MDGA2: variants seen among roughly 807,000 people sequenced by gnomAD.
MDGA2 encodes MAM domain-containing glycosylphosphatidylinositol anchor protein 2.
Under a neutral mutation model 117.8 loss-of-function variants are expected in MDGA2, and 40 were observed. The ratio of observed to expected loss-of-function variants is 0.34; its 90% CI spans 0.26 to 0.44. The LOEUF (loss-of-function observed/expected upper bound fraction) is 0.44. Ranked by LOEUF, MDGA2 falls within the 20% of genes least tolerant of loss-of-function variation. The pLI is 1.00. For synonymous variants in MDGA2, 452 were observed against 439.0 expected (o/e 1.03, Z -0.37); for missense variants, 1,123 against 1,250.6 (o/e 0.90, Z 1.54).
At chr14:47,286,926 G>C (rs1336083990) in intron 2 of MDGA2, among the ~76,000 whole-genome samples, 2 of 150,324 alleles carry the variant, frequency 1.3e-5, no homozygotes, top group African/African-American at 2.4e-5. Context: ...CTGAAAGACA[G>C]AAAATTTGAA....
At chr14:47,050,811 T>C (rs1302192361) in intron 7 of MDGA2, among the ~76,000 whole-genome samples, 1 of 151,946 alleles carries the variant, frequency 6.6e-6, no homozygotes, top group African/African-American at 2.4e-5. Context: ...GATACTTGCA[T>C]TGGTGAGAAT....
chr14:47,309,971 C>CTA (rs1889582086), intron 1 of MDGA2, among the ~76,000 whole-genome samples: 1 of 152,032 alleles, frequency 6.6e-6, no homozygotes, highest in Non-Finnish European at 1.5e-5. Flanking sequence ...TGTGTAAAAA[C>CTA]TATCTTGTTT....
intron 1 of MDGA2, among the ~76,000 whole-genome samples, chr14:47,509,374 G>A (rs780232538): frequency 4.6e-5 from 7 of 152,146 alleles, no homozygotes; most frequent in Non-Finnish European, 1.0e-4. Flanking sequence ...AAAGTGGATC[G>A]GATCATTGAA....
chr14:47,357,780 A>C (rs1347180501), intron 1 of MDGA2, among the ~76,000 whole-genome samples: 5 of 152,200 alleles, frequency 3.3e-5, no homozygotes, highest in African/African-American at 1.2e-4. Context: ...CTTGTATTAC[A>C]ACAAAAATAT....
At chr14:46,979,873 G>A (rs1886600832) in intron 8 of MDGA2, among the ~76,000 whole-genome samples, 1 of 152,182 alleles carries the variant, frequency 6.6e-6, no homozygotes, top group Admixed American at 6.6e-5. Context: ...TCTAGGTAAG[G>A]TTATTGATAA....
rs143709982 is a variant in MDGA2, at chr14:47,090,948, G to A, written c.1195+5906C>T. On this transcript the variant is annotated intron_variant, in intron 6 of 16. Coordinates refer to ENST00000399232, the MANE Select transcript of MDGA2 (RefSeq NM_001113498.3). Reference sequence around the variant, plus strand: ...CCACCCTCTAGCTGCAATTATATGGGATACCCTGAATTTTTTAGCTGAGCC... The same window carrying A: ...CCACCCTCTAGCTGCAATTATATGGAATACCCTGAATTTTTTAGCTGAGCC... 4.6e-3 allele frequency among the ~76,000 whole-genome samples: 707 copies of A among 152,178 alleles called. 5 individuals are homozygous for A. Among genetic ancestry groups the A allele is most frequent in the Non-Finnish European group, 7.4e-3 (506 of 67,996 alleles).
chr14:47,291,895 C>T (rs1246888204), intron 2 of MDGA2, among the ~76,000 whole-genome samples: 5 of 152,160 alleles, frequency 3.3e-5, no homozygotes, highest in Admixed American at 6.5e-5. Flanking sequence ...AGAGAGTGAG[C>T]GTTAGCCCTG....
At chr14:47,365,465 G>A (rs532110289) in intron 1 of MDGA2, among the ~76,000 whole-genome samples, 6 of 152,362 alleles carry the variant, frequency 3.9e-5, no homozygotes, top group East Asian at 1.9e-4. Context: ...TGCTGGCAGC[G>A]CAACCCATTG....
At chr14:46,943,661 T>C (rs2138587841) in intron 9 of MDGA2, among the ~76,000 whole-genome samples, 1 of 152,214 alleles carries the variant, frequency 6.6e-6, no homozygotes, top group South Asian at 2.1e-4. Flanking sequence ...ATGTAATAAA[T>C]TTACAACAGT....
At chr14:46,919,291 A>G (rs1884031358) in intron 10 of MDGA2, among the ~76,000 whole-genome samples, 1 of 152,186 alleles carries the variant, frequency 6.6e-6, no homozygotes, top group African/African-American at 2.4e-5. Context: ...GAGAGAGCTA[A>G]AAGATTATGT....
intron 9 of MDGA2, among the ~76,000 whole-genome samples, chr14:46,955,163 T>C (rs1208783721): frequency 6.6e-6 from 1 of 152,074 alleles, no homozygotes; most frequent in Non-Finnish European, 1.5e-5. Flanking sequence ...GCTATAATAT[T>C]ACAGAACTAT....
At chr14:47,190,378 G>C (rs918276029) in intron 3 of MDGA2, among the ~76,000 whole-genome samples, 5 of 152,154 alleles carry the variant, frequency 3.3e-5, no homozygotes, top group African/African-American at 1.2e-4. Context: ...TGAAATATTA[G>C]AAAGTCAGGA....
chr14:47,044,606 CTCT>C (rs769794028), intron 7 of MDGA2, among the ~76,000 whole-genome samples: 83 of 152,262 alleles, frequency 5.5e-4, no homozygotes, highest in Non-Finnish European at 6.2e-4. Context: ...CATAATACAT[CTCT>C]TATCACACTC....
intron 5 of MDGA2, among the ~76,000 whole-genome samples, chr14:47,103,721 T>C (rs1253654752): frequency 6.6e-6 from 1 of 152,244 alleles, no homozygotes; most frequent in Non-Finnish European, 1.5e-5. Flanking sequence ...AGAGATGCGA[T>C]TCATATGACC....
rs1004758744 is a variant in MDGA2, at chr14:47,245,572, A to G, written c.421-27377T>C. Among the ~76,000 whole-genome samples the G allele has an allele frequency of 4.6e-5, 7 of 151,816 alleles. 1 individual carries two copies. The highest frequency in any genetic ancestry group is 8.9e-5 in the Non-Finnish European group (6 of 67,756). ...ATAAAGGACTTCAAAGTGCCTTCCT[A>G]AGTCTAAACAACTATGAAATAAGAG... On this transcript the variant is annotated intron_variant, in intron 2 of 16. Coordinates refer to ENST00000399232, the MANE Select transcript of MDGA2 (RefSeq NM_001113498.3).
At chr14:47,086,121 G>T (rs201043537) in intron 6 of MDGA2, among the ~76,000 whole-genome samples, 158 of 139,064 alleles carry the variant, frequency 1.1e-3, no homozygotes, top group East Asian at 6.9e-3. Context: ...TTTGTTTTTT[G>T]TTTTTTTTTT....
At chr14:47,232,903 G>A (rs1886739149) in intron 2 of MDGA2, among the ~76,000 whole-genome samples, 1 of 152,076 alleles carries the variant, frequency 6.6e-6, no homozygotes, top group Non-Finnish European at 1.5e-5. Context: ...GAGAGAAGTG[G>A]CACCATCAAC....
chr14:47,272,202 GC>G (rs150188367), intron 2 of MDGA2, among the ~76,000 whole-genome samples: 4,707 of 152,166 alleles, frequency 0.031, 165 homozygotes, highest in East Asian at 0.18. Flanking sequence ...CTAACTACCT[GC>G]CCAGGCCCTT....
chr14:47,562,416 A>G (rs1173877364), intron 1 of MDGA2, among the ~76,000 whole-genome samples: 1 of 152,156 alleles, frequency 6.6e-6, no homozygotes, highest in Non-Finnish European at 1.5e-5. Context: ...ATTCAATATC[A>G]GAACTCATTA....
Sources: allele counts gnomAD v4.1 joint callset (sites outside exome capture counted in the v4.1 genomes callset), GRCh38; gene constraint gnomAD v4.1.1; transcripts MANE v1.5; gene names NCBI Gene and HGNC (gene_info 2026-07-23, HGNC 2026-07-21).